Variants in OVCH1 observed in about 807,000 individuals in gnomAD.
OVCH1 encodes ovochymase-1.
OVCH1 carries 139 observed loss-of-function variants against 138.4 expected under a neutral mutation model. That is an observed-to-expected ratio of 1.00 (90% confidence interval 0.87 to 1.16). OVCH1 has a LOEUF of 1.16. OVCH1 is among the 50% of genes most tolerant of loss of function. The probability of loss-of-function intolerance (pLI) is 0.00; values close to 1 mark genes in which losing one functional copy is unlikely to be tolerated. For synonymous variants in OVCH1, 453 were observed against 467.8 expected, an observed-to-expected ratio of 0.97 and a Z score of 0.41; for missense variants, 1,367 against 1,357.9, an observed-to-expected ratio of 1.01 and a Z score of -0.11.
chr12:29,495,215 A>T, intron 4 of OVCH1, 70 bp downstream of exon 4: 5 of 1,395,662 alleles, frequency 3.6e-6, no homozygotes, highest in Non-Finnish European at 3.0e-6. Flanking sequence ...CACAGACATT[A>T]AAGTTAACTT....
intron 27 of OVCH1, among the ~76,000 whole-genome samples, chr12:29,431,553 A>C (rs929967813): frequency 6.7e-6 from 1 of 149,824 alleles, no homozygotes; most frequent in South Asian, 2.1e-4. Flanking sequence ...ATTTTATACC[A>C]TTACAACATT....
chr12:29,423,145 T>C (rs1198705265), downstream of OVCH1: 2 of 436,634 alleles, frequency 4.6e-6, no homozygotes, highest in Admixed American at 2.6e-5. Context: ...GGAAATTGGG[T>C]CTCAATATTG....
chr12:29,417,863 T>C (rs1413504690), intron 3 of OVCH1, among the ~76,000 whole-genome samples: 1 of 152,088 alleles, frequency 6.6e-6, no homozygotes, highest in Non-Finnish European at 1.5e-5. Flanking sequence ...AGCACTGTTC[T>C]AAACGTTCTT....
chr12:29,477,460 AT>A lies in OVCH1; in HGVS notation c.1126del (p.Ile376TyrfsTer51). The A allele has an allele frequency of 6.2e-7, 1 of 1,613,918 alleles. No individual in the cohort carries two copies. The highest frequency in any genetic ancestry group is 8.5e-7 in the Non-Finnish European group (1 of 1,179,872). On this transcript the variant is annotated frameshift_variant, in exon 11 of 28. Transcript: ENST00000318184. LOFTEE classifies it high-confidence loss of function. Reference sequence around the variant, plus strand: ...CTCTGCCAGCAATGGTGAAGGCAATATTTTTCCACAGACCTTACCTTAAAAG... The same window carrying A: ...CTCTGCCAGCAATGGTGAAGGCAATATTTTCCACAGACCTTACCTTAAAAG...
intron 15 of OVCH1, 21 bp from the exon 16 acceptor site, chr12:29,472,003 A>G (rs371276465): frequency 8.2e-6 from 13 of 1,592,190 alleles, no homozygotes; most frequent in African/African-American, 4.1e-5. Context: ...GATGAAACCA[A>G]TGACCCATAA....
chr12:29,424,005 G>A (rs1357558213), downstream of OVCH1, among the ~76,000 whole-genome samples: 5 of 152,122 alleles, frequency 3.3e-5, no homozygotes, highest in East Asian at 1.9e-4. Flanking sequence ...ACCCAGCAGC[G>A]CTAGAGGAAT....
chr12:29,448,979 G>A (rs1348475662), intron 22 of OVCH1, among the ~76,000 whole-genome samples: 1 of 151,974 alleles, frequency 6.6e-6, no homozygotes, highest in Admixed American at 6.6e-5. Flanking sequence ...AAGCCAAAAA[G>A]CTTTCATTAC....
chr12:29,451,723 A>G (rs961214391), intron 21 of OVCH1, among the ~76,000 whole-genome samples, 154 bp from the exon 22 acceptor site: 2 of 152,194 alleles, frequency 1.3e-5, no homozygotes, highest in Non-Finnish European at 2.9e-5. Context: ...AAACCATTCT[A>G]TTTAATGTGT....
intron 27 of OVCH1, among the ~76,000 whole-genome samples, chr12:29,431,507 C>G (rs1941267190): frequency 6.6e-6 from 1 of 152,064 alleles, no homozygotes; most frequent in African/African-American, 2.4e-5. Context: ...CTTGCAAAGT[C>G]TTTCTATGCT....
chr12:29,403,877 C>T, the OVCH1 span, among the ~76,000 whole-genome samples: 86,312 of 151,952 alleles, frequency 0.57, 26,407 homozygotes, highest in Middle Eastern at 0.78. Context: ...TAGAAAAAAA[C>T]AGTACAATTG....
intron 3 of OVCH1, among the ~76,000 whole-genome samples, chr12:29,415,001 C>T (rs1006607909): frequency 1.3e-5 from 2 of 151,816 alleles, no homozygotes; most frequent in Admixed American, 1.3e-4. Context: ...AGAAGTATGC[C>T]CAAATATTCA....
chr12:29,474,104 C>CACAT (rs1413481141), intron 14 of OVCH1, among the ~76,000 whole-genome samples: 126 of 142,736 alleles, frequency 8.8e-4, no homozygotes, highest in Admixed American at 2.0e-3. Context: ...CACACACACA[C>CACAT]ATATATATAT....
intron 22 of OVCH1, among the ~76,000 whole-genome samples, chr12:29,447,534 C>G (rs975219448): frequency 2.6e-5 from 4 of 152,028 alleles, no homozygotes; most frequent in Non-Finnish European, 5.9e-5. Flanking sequence ...AGGTGTTGAC[C>G]TCATTTGGAA....
intron 8 of OVCH1, among the ~76,000 whole-genome samples, 94 bp from the exon 9 acceptor site, chr12:29,484,894 A>G (rs1466938953): frequency 1.3e-5 from 2 of 152,206 alleles, no homozygotes; most frequent in Admixed American, 6.5e-5. Flanking sequence ...TACGATTTAT[A>G]TTAGTCATTT....
chr12:29,410,224 C>G (rs1477297694), downstream of OVCH1, among the ~76,000 whole-genome samples: 1 of 142,740 alleles, frequency 7.0e-6, no homozygotes, highest in Admixed American at 7.1e-5. Context: ...AGATGGGTTT[C>G]CTGAATACAG....
intron 12 of OVCH1, among the ~76,000 whole-genome samples, chr12:29,476,789 A>C (rs1056003276): frequency 1.5e-5 from 2 of 135,738 alleles, no homozygotes; most frequent in Admixed American, 7.4e-5. Context: ...ACACACACAC[A>C]CACACACACA....
intron 16 of OVCH1, among the ~76,000 whole-genome samples, chr12:29,467,152 C>T (rs1022423614): frequency 2.0e-5 from 3 of 152,064 alleles, no homozygotes; most frequent in Non-Finnish European, 2.9e-5. Context: ...CTGCCATGCA[C>T]GCTACTGGAA....
chr12:29,441,631 T>G (rs572509706), intron 25 of OVCH1, among the ~76,000 whole-genome samples: 1 of 152,194 alleles, frequency 6.6e-6, no homozygotes, highest in South Asian at 2.1e-4. Flanking sequence ...GGGATCTAAT[T>G]AAACTAAAGA....
chr12:29,443,461 A>G, exon 25 of OVCH1: 1 of 1,609,286 alleles, frequency 6.2e-7, no homozygotes, highest in Non-Finnish European at 8.5e-7. Context: ...TATTAAGCTG[A>G]ATGATGTGAT....
Sources: allele counts gnomAD v4.1 joint callset (sites outside exome capture counted in the v4.1 genomes callset), GRCh38; gene constraint gnomAD v4.1.1; transcripts MANE v1.5; gene names NCBI Gene and HGNC (gene_info 2026-07-23, HGNC 2026-07-21).